The following NUF2 variants were observed in gnomAD, a reference collection of about 807,000 sequenced individuals.
NUF2 encodes NUF2 component of NDC80 kinetochore complex.
In NUF2, 34 loss-of-function variants were observed where a neutral mutation model predicts 61.8. The observed-to-expected ratio is 0.55, with a 90% CI of 0.42 to 0.73. NUF2 has a LOEUF of 0.73. NUF2 is among the 30% of genes least tolerant of loss of function. The pLI, the probability that NUF2 is intolerant of heterozygous loss-of-function variation, is 0.00. For synonymous variants in NUF2, 172 were observed against 181.6 expected, an observed-to-expected ratio of 0.95 and a Z score of 0.42; for missense variants, 445 against 539.1, an observed-to-expected ratio of 0.83 and a Z score of 1.73.
intron 5 of NUF2, among the ~76,000 whole-genome samples, chr1:163,330,923 A>G (rs899628942): frequency 1.1e-4 from 14 of 129,822 alleles, no homozygotes; most frequent in African/African-American, 3.5e-4. Flanking sequence ...TTATTATTTG[A>G]GTAGATTTTT....
chr1:163,352,048 T>G (rs1013137868), intron 13 of NUF2, among the ~76,000 whole-genome samples: 1 of 152,150 alleles, frequency 6.6e-6, no homozygotes, highest in Non-Finnish European at 1.5e-5. Context: ...TTCTTTCCCT[T>G]TTCTTTTTCT....
chr1:163,348,162 C>T (rs941515079), intron 12 of NUF2, among the ~76,000 whole-genome samples: 1 of 152,150 alleles, frequency 6.6e-6, no homozygotes, highest in South Asian at 2.1e-4. Context: ...GTATACAGTT[C>T]CAATTCCTTT....
At chr1:163,328,137 A>G in intron 3 of NUF2, 91 bp from the exon 4 acceptor site, 1 of 742,404 alleles carries the variant, frequency 1.3e-6, no homozygotes, top group Non-Finnish European at 2.3e-6. Flanking sequence ...ATTTAATGAT[A>G]GTGAGTTAAT....
chr1:163,347,378 T>G (rs1256330632), intron 11 of NUF2, among the ~76,000 whole-genome samples: 1 of 152,256 alleles, frequency 6.6e-6, no homozygotes. Flanking sequence ...TCCCCTCATC[T>G]GCCATTGTGT....
chr1:163,340,588 A>G (rs1650910863), intron 9 of NUF2, among the ~76,000 whole-genome samples, 162 bp downstream of exon 9: 1 of 152,232 alleles, frequency 6.6e-6, no homozygotes, highest in African/African-American at 2.4e-5. Context: ...TTGTTTTAAA[A>G]AATATCGAAA....
At chr1:163,327,996 A>G (rs1650482176) in intron 3 of NUF2, 1 of 419,786 alleles carries the variant, frequency 2.4e-6, no homozygotes, top group Non-Finnish European at 4.2e-6. Context: ...AATACCTGAT[A>G]TTTAGTAAAT....
chr1:163,337,805 C>CT (rs1650812923), intron 6 of NUF2, among the ~76,000 whole-genome samples: 1 of 152,068 alleles, frequency 6.6e-6, no homozygotes, highest in African/African-American at 2.4e-5. Flanking sequence ...ATAAGTTAGT[C>CT]TTCTTGAGAA....
At chr1:163,322,427 T>C (rs2292275) in intron 1 of NUF2, among the ~76,000 whole-genome samples, 39,613 of 152,144 alleles carry the variant, frequency 0.26, 6,546 homozygotes, top group East Asian at 0.6. Context: ...CTTGTCAGCT[T>C]TTTACACATC....
At chr1:163,337,869 A>G (rs1157455339) in intron 6 of NUF2, 151 bp from the exon 7 acceptor site, 2 of 601,406 alleles carry the variant, frequency 3.3e-6, no homozygotes, top group South Asian at 2.2e-5. Context: ...TGTGTTGAGT[A>G]AAGAAATTCC....
intron 11 of NUF2, 118 bp from the exon 12 acceptor site, chr1:163,347,645 A>G (rs757656907): frequency 1.4e-6 from 1 of 723,054 alleles, no homozygotes; most frequent in Non-Finnish European, 2.1e-6. Flanking sequence ...GGTTTTAAAG[A>G]GTTTTGTCTC....
intron 1 of NUF2, among the ~76,000 whole-genome samples, chr1:163,324,283 G>A (rs1159624789): frequency 1.3e-5 from 2 of 152,164 alleles, no homozygotes; most frequent in African/African-American, 4.8e-5. Context: ...GACTACATAG[G>A]ACCAGGAGGT....
intron 9 of NUF2, among the ~76,000 whole-genome samples, chr1:163,340,710 A>G (rs757903443): frequency 3.3e-5 from 5 of 152,214 alleles, no homozygotes; most frequent in Non-Finnish European, 5.9e-5. Context: ...GTAATTTTAC[A>G]TAAATGATAT....
At chr1:163,336,446 T>G (rs1911980) in intron 5 of NUF2, among the ~76,000 whole-genome samples, 89,524 of 151,914 alleles carry the variant, frequency 0.59, 26,785 homozygotes, top group Middle Eastern at 0.69. Flanking sequence ...TATATTGCCT[T>G]TTATCCAGCA....
intron 5 of NUF2, among the ~76,000 whole-genome samples, chr1:163,330,590 C>T (rs1309474157): frequency 6.6e-6 from 1 of 152,080 alleles, no homozygotes; most frequent in African/African-American, 2.4e-5. Flanking sequence ...TTGTCACTTT[C>T]TACCCTTCTT....
chr1:163,326,353 G>C (rs1278071621), intron 2 of NUF2, among the ~76,000 whole-genome samples, 179 bp downstream of exon 2: 1 of 151,638 alleles, frequency 6.6e-6, no homozygotes, highest in East Asian at 1.9e-4. Flanking sequence ...TATATGTGTG[G>C]TGACTTCTAC....
intron 13 of NUF2, among the ~76,000 whole-genome samples, chr1:163,349,524 C>T (rs1038282345): frequency 1.3e-5 from 2 of 152,208 alleles, no homozygotes; most frequent in Middle Eastern, 3.4e-3. Context: ...TATGCAAAAT[C>T]CCTTAGCCTC....
chr1:163,326,451 T>C (rs985927565), intron 2 of NUF2, among the ~76,000 whole-genome samples: 1 of 151,810 alleles, frequency 6.6e-6, no homozygotes, highest in Admixed American at 6.6e-5. Flanking sequence ...TTAAATTTTT[T>C]ATTATTATTA....
chr1:163,353,064 A>G (rs1246597605), intron 13 of NUF2, among the ~76,000 whole-genome samples: 1 of 152,132 alleles, frequency 6.6e-6, no homozygotes, highest in Admixed American at 6.5e-5. Context: ...ATATGTGGCT[A>G]TTTACATTTA....
intron 7 of NUF2, 136 bp from the exon 8 acceptor site, chr1:163,339,245 G>A (rs2101679437): frequency 1.7e-6 from 1 of 595,582 alleles, no homozygotes; most frequent in Non-Finnish European, 3.0e-6. Flanking sequence ...CATTTTAAAT[G>A]ATTGCCACAT....
Sources: allele counts gnomAD v4.1 joint callset (sites outside exome capture counted in the v4.1 genomes callset), GRCh38; gene constraint gnomAD v4.1.1; transcripts MANE v1.5; gene names NCBI Gene and HGNC (gene_info 2026-07-23, HGNC 2026-07-21).